WDR45B: variants seen among roughly 807,000 people sequenced by gnomAD.
WDR45B encodes WD repeat domain phosphoinositide-interacting protein 3.
Under a neutral mutation model 44.6 loss-of-function variants are expected in WDR45B, and 20 were observed. The observed-to-expected ratio is 0.45, with a 90% CI of 0.32 to 0.65. The LOEUF is 0.65. Ranked by LOEUF, WDR45B falls within the 30% of genes least tolerant of loss-of-function variation. The pLI, the probability that WDR45B is intolerant of heterozygous loss-of-function variation, is 0.05. For synonymous variants in WDR45B, 169 were observed against 164.9 expected (o/e 1.02, Z -0.19); for missense variants, 323 against 430.2 (o/e 0.75, Z 2.20).
At chr17:82,643,705 G>A (rs558852787) in intron 2 of WDR45B, among the ~76,000 whole-genome samples, 1 of 152,284 alleles carries the variant, frequency 6.6e-6, no homozygotes, top group African/African-American at 2.4e-5. Flanking sequence ...AGAAGTTCAT[G>A]CTGATCGATA....
chr17:82,632,463 T>C (rs2045780051), intron 2 of WDR45B, among the ~76,000 whole-genome samples: 1 of 152,126 alleles, frequency 6.6e-6, no homozygotes, highest in African/African-American at 2.4e-5. Flanking sequence ...CACCGAAGTC[T>C]GAAATGCTCC....
Position 82,616,018 on chromosome 17 carries a change from A to G in WDR45B, c.936T>C (p.Cys312=). 6.2e-7 allele frequency: 1 copy of G among 1,613,918 alleles called. No individual in the cohort carries two copies. The highest frequency in any genetic ancestry group is 1.7e-5 in the Admixed American group (1 of 59,978). The change falls in exon 10 of 10, where the codon TGT becomes TGC. Residue 312 remains cysteine (C), a synonymous_variant. Transcript: ENST00000392325. ...GGAATTTGTAGTAGCTGCCGTCTGC[A>G]CAAATTGCTGGGATAGAAGGAGACC... ...GTEPNAVIAI[C]ADGSYYKFLF... is the part of the protein sequence containing the mutation.
chr17:82,629,304 T>C (rs1195490785), intron 3 of WDR45B, among the ~76,000 whole-genome samples: 3 of 152,198 alleles, frequency 2.0e-5, no homozygotes, highest in Non-Finnish European at 4.4e-5. Flanking sequence ...GTCAATGAAG[T>C]TCTCCATGAC....
At chr17:82,616,409 G>T in intron 9 of WDR45B, 115 bp downstream of exon 9, 2 of 1,533,846 alleles carry the variant, frequency 1.3e-6, no homozygotes, top group Non-Finnish European at 1.8e-6. Flanking sequence ...GAACTGGGCG[G>T]CCATCGGTGC....
intron 3 of WDR45B, among the ~76,000 whole-genome samples, chr17:82,628,017 G>C (rs2045721187): frequency 6.6e-6 from 1 of 152,198 alleles, no homozygotes; most frequent in South Asian, 2.1e-4. Context: ...TTTTGAGACA[G>C]GGTCTCATTC....
chr17:82,629,457 G>A (rs1165607510), intron 3 of WDR45B: 3 of 974,692 alleles, frequency 3.1e-6, no homozygotes, highest in African/African-American at 3.5e-5. Flanking sequence ...GGACTCACAA[G>A]CCACAGGCCT....
At chr17:82,627,062 T>C in intron 4 of WDR45B, 142 bp downstream of exon 4, 1 of 782,252 alleles carries the variant, frequency 1.3e-6, no homozygotes, top group Non-Finnish European at 2.3e-6. Context: ...ATAATCCTTA[T>C]ATCCTTATGG....
At chr17:82,646,488 C>CAAAAAAAAAAAA (rs779661551) in intron 1 of WDR45B, among the ~76,000 whole-genome samples, 4 of 19,942 alleles carry the variant, frequency 2.0e-4, no homozygotes, top group Non-Finnish European at 3.9e-4. Flanking sequence ...AACTCCGTCT[C>CAAAAAAAAAAAA]AAAAAAAAAA....
intron 2 of WDR45B, among the ~76,000 whole-genome samples, chr17:82,642,317 C>T (rs935426894): frequency 2.0e-5 from 3 of 152,188 alleles, no homozygotes; most frequent in African/African-American, 4.8e-5. Context: ...GAACGGCACA[C>T]GCGAGGGATG....
At position 82,615,941 on chromosome 17, in the gene WDR45B, T is replaced by C; in HGVS notation, c.1013A>G (p.Glu338Gly). ...CIRDVYAQFL[E>G]MTDDKL is the part of the protein sequence containing the mutation. ...GAGTCACAGCTTGTCATCGGTCATC[T>C]CTAGAAACTGCGCGTAGACATCTCG... Residue 338 changes from glutamate to glycine, a missense_variant, in exon 10 of 10, where the codon GAG (glutamate) becomes GGG (glycine). Physicochemically the swap from Glu to Gly is moderately conservative, Grantham distance 98. Coordinates refer to ENST00000392325, the MANE Select transcript of WDR45B (RefSeq NM_019613.4). 6.2e-7 allele frequency: 1 copy of C among 1,612,030 alleles called. No individual in the cohort carries two copies. Among genetic ancestry groups the C allele is most frequent in the Non-Finnish European group, 8.5e-7 (1 of 1,179,768 alleles).
At chr17:82,628,877 T>C (rs1278246235) in intron 3 of WDR45B, among the ~76,000 whole-genome samples, 1 of 151,812 alleles carries the variant, frequency 6.6e-6, no homozygotes, top group East Asian at 2.0e-4. Context: ...GGTGCTCCGG[T>C]ACTCCCAGCT....
rs778736497 is a variant in WDR45B at position 82,621,615 on chromosome 17, G to A, written c.612C>T (p.Ser204=). ...NLQGTRIATA[S]EKGTLIRIFD... is the part of the protein sequence containing the mutation. Reference sequence around the variant, plus strand: ...AGGTGAGTGGCACACTTACTTTCTCGGATGCAGTTGCAATTCTTGTTCCCT... The same window carrying A: ...AGGTGAGTGGCACACTTACTTTCTCAGATGCAGTTGCAATTCTTGTTCCCT... Residue 204 remains serine (S), a synonymous_variant, in exon 6 of 10, where the codon TCC becomes TCT. Coordinates refer to ENST00000392325, the MANE Select transcript of WDR45B (RefSeq NM_019613.4). 57 of 1,614,050 alleles carry A rather than the reference G, an allele frequency of 3.5e-5. No homozygotes were observed. The highest frequency in any genetic ancestry group is 1.6e-4 in the Middle Eastern group (1 of 6,070).
intron 1 of WDR45B, among the ~76,000 whole-genome samples, chr17:82,645,812 A>G (rs1475944808): frequency 4.6e-5 from 7 of 152,176 alleles, no homozygotes; most frequent in Admixed American, 2.6e-4. Flanking sequence ...ATGTCTGCAC[A>G]AAAGAACATT....
chr17:82,625,468 C>T lies in WDR45B; in HGVS notation c.348G>A (p.Leu116=), dbSNP rs375171621. 6.2e-7 allele frequency: 1 copy of T among 1,614,138 alleles called. No homozygotes were observed. The highest frequency in any genetic ancestry group is 8.5e-7 in the Non-Finnish European group (1 of 1,180,008). Residue 116 remains leucine, a synonymous_variant, in exon 5 of 10, where the codon TTG becomes TTA. Transcript: ENST00000392325. ...ATGTGAACACCTTAATCATGGAGTC[C>T]AAAACCACCACAATTCTGGAAAGAA... ...KLRRDRIVVV[L]DSMIKVFTFT... is the part of the protein sequence containing the mutation.
chr17:82,646,703 T>C (rs900804578), intron 1 of WDR45B, among the ~76,000 whole-genome samples: 2 of 152,270 alleles, frequency 1.3e-5, no homozygotes, highest in Admixed American at 1.3e-4. Context: ...TGAACACTTA[T>C]GATATATCCA....
chr17:82,644,431 A>C, intron 1 of WDR45B: 1 of 244,996 alleles, frequency 4.1e-6, no homozygotes, highest in Non-Finnish European at 8.1e-6. Flanking sequence ...GTAGTCCTAG[A>C]CTCCAGGAAC....
chr17:82,622,517 C>T (rs1371980938), intron 5 of WDR45B, among the ~76,000 whole-genome samples: 1 of 152,168 alleles, frequency 6.6e-6, no homozygotes, highest in African/African-American at 2.4e-5. Context: ...ACTGCAAGCT[C>T]CGCCTCCCAG....
chr17:82,644,109 A>T, intron 1 of WDR45B, 86 bp from the exon 2 acceptor site: 1 of 1,305,782 alleles, frequency 7.7e-7, no homozygotes, highest in Non-Finnish European at 1.1e-6. Flanking sequence ...AACTACTGAG[A>T]ACTCTTGCAG....
intron 4 of WDR45B, chr17:82,626,717 A>C (rs904832278): frequency 9.7e-6 from 2 of 206,984 alleles, no homozygotes; most frequent in African/African-American, 4.7e-5. Flanking sequence ...ACGTACTAGG[A>C]CAAACTTCCA....
Sources: allele counts gnomAD v4.1 joint callset (sites outside exome capture counted in the v4.1 genomes callset), GRCh38; gene constraint gnomAD v4.1.1; transcripts MANE v1.5; gene names NCBI Gene and HGNC (gene_info 2026-07-23, HGNC 2026-07-21).